Variants in LPP observed in about 807,000 individuals in gnomAD.
LPP encodes the protein LIM domain containing preferred translocation partner in lipoma.
LPP carries 38 observed loss-of-function variants against 60.4 expected under a neutral mutation model. The observed-to-expected ratio is 0.63, with a 90% CI of 0.49 to 0.83. The LOEUF is 0.83. Ranked by LOEUF, LPP falls within the 40% of genes least tolerant of loss-of-function variation. LPP has a pLI of 0.00. For missense variants in LPP, 902 were observed against 783.6 expected (o/e 1.15, Z -1.80); for synonymous variants, 328 against 290.8 (o/e 1.13, Z -1.30).
At chr3:188,231,835 A>G (rs538267114) in intron 2 of LPP, among the ~76,000 whole-genome samples, 1 of 152,216 alleles carries the variant, frequency 6.6e-6, no homozygotes, top group Non-Finnish European at 1.5e-5. Context: ...TTGAGCTTTG[A>G]TTTTGTCCCT....
At chr3:188,297,342 T>G (rs1748278515) in intron 2 of LPP, among the ~76,000 whole-genome samples, 1 of 152,198 alleles carries the variant, frequency 6.6e-6, no homozygotes, top group African/African-American at 2.4e-5. Context: ...CCCTCCAAGA[T>G]ACTGTTTTAG....
At chr3:188,587,608 T>C (rs1256254965) in intron 6 of LPP, among the ~76,000 whole-genome samples, 2 of 152,190 alleles carry the variant, frequency 1.3e-5, no homozygotes, top group Admixed American at 6.5e-5. Context: ...AATAGGCTAA[T>C]AAAAAGGCAC....
chr3:188,467,812 C>A (rs575335777), intron 4 of LPP, among the ~76,000 whole-genome samples: 37 of 152,116 alleles, frequency 2.4e-4, no homozygotes, highest in Non-Finnish European at 4.7e-4. Context: ...GAAGTGGATT[C>A]TCTGGAGAGA....
intron 9 of LPP, among the ~76,000 whole-genome samples, chr3:188,827,002 G>T (rs1220960622): frequency 2.0e-5 from 3 of 152,120 alleles, no homozygotes; most frequent in Non-Finnish European, 4.4e-5. Flanking sequence ...ATGAATAAAT[G>T]GCAGAAACCT....
intron 7 of LPP, among the ~76,000 whole-genome samples, chr3:188,625,011 AGGTTT>A (rs1560662916): frequency 6.6e-6 from 1 of 151,420 alleles, no homozygotes; most frequent in Non-Finnish European, 1.5e-5. Flanking sequence ...GGGAAGTCTT[AGGTTT>A]CTATATCCCT....
chr3:188,801,049 C>T (rs527494521), intron 9 of LPP, among the ~76,000 whole-genome samples: 3 of 152,232 alleles, frequency 2.0e-5, no homozygotes, highest in South Asian at 2.1e-4. Flanking sequence ...TCCTCTTCTC[C>T]GAACTCACAC....
intron 10 of LPP, among the ~76,000 whole-genome samples, chr3:188,869,839 G>A (rs1767632623): frequency 6.6e-6 from 1 of 152,156 alleles, no homozygotes; most frequent in Admixed American, 6.5e-5. Flanking sequence ...ATATCCTCCA[G>A]CCTACTGGAC....
intron 5 of LPP, among the ~76,000 whole-genome samples, chr3:188,508,270 C>G (rs1474633130): frequency 6.6e-6 from 1 of 152,084 alleles, no homozygotes; most frequent in Non-Finnish European, 1.5e-5. Flanking sequence ...TCCTTCCTGT[C>G]CTAGTATGTG....
At chr3:188,192,774 C>T (rs1728524555) in intron 1 of LPP, among the ~76,000 whole-genome samples, 1 of 152,150 alleles carries the variant, frequency 6.6e-6, no homozygotes. Context: ...AGAAACAGGG[C>T]CCTTTTCTTG....
chr3:188,228,294 GT>G (rs1424331268), intron 2 of LPP, among the ~76,000 whole-genome samples: 2 of 152,192 alleles, frequency 1.3e-5, no homozygotes, highest in African/African-American at 4.8e-5. Context: ...GTTCATGTGT[GT>G]GTCTCCAGAG....
At chr3:188,447,234 G>A (rs1419316218) in intron 4 of LPP, among the ~76,000 whole-genome samples, 1 of 152,152 alleles carries the variant, frequency 6.6e-6, no homozygotes, top group Non-Finnish European at 1.5e-5. Flanking sequence ...CACATCAGTA[G>A]TTTATAGAAA....
intron 1 of LPP, among the ~76,000 whole-genome samples, chr3:188,216,793 A>G (rs1327491045): frequency 6.6e-6 from 1 of 152,210 alleles, no homozygotes; most frequent in Non-Finnish European, 1.5e-5. Context: ...TAAAGAAGTG[A>G]GAAAGCTTGT....
chr3:188,601,178 G>A (rs796164325), intron 6 of LPP, among the ~76,000 whole-genome samples: 12 of 152,050 alleles, frequency 7.9e-5, no homozygotes, highest in African/African-American at 2.9e-4. Context: ...TTATGGCATT[G>A]TTTTAATGAC....
chr3:188,691,697 T>C (rs184314271), intron 7 of LPP, among the ~76,000 whole-genome samples: 2 of 152,360 alleles, frequency 1.3e-5, no homozygotes, highest in East Asian at 3.9e-4. Context: ...AGAAAGTTTA[T>C]GATAGAGAGG....
At chr3:188,238,744 T>A (rs1722784993) in intron 2 of LPP, among the ~76,000 whole-genome samples, 1 of 152,114 alleles carries the variant, frequency 6.6e-6, no homozygotes, top group African/African-American at 2.4e-5. Context: ...CAGATCACCA[T>A]AATACATATA....
intron 2 of LPP, among the ~76,000 whole-genome samples, chr3:188,341,112 T>C (rs979647288): frequency 6.6e-6 from 1 of 152,216 alleles, no homozygotes; most frequent in Non-Finnish European, 1.5e-5. Context: ...CTTTTCCCAT[T>C]TCCTCATTTC....
chr3:188,599,463 C>A (rs139963707), intron 6 of LPP, among the ~76,000 whole-genome samples: 72 of 152,132 alleles, frequency 4.7e-4, no homozygotes, highest in Middle Eastern at 3.4e-3. Flanking sequence ...CCTTGACATA[C>A]CAACATTGGG....
intron 6 of LPP, among the ~76,000 whole-genome samples, chr3:188,549,148 A>T (rs1827402323): frequency 6.6e-6 from 1 of 152,176 alleles, no homozygotes; most frequent in Non-Finnish European, 1.5e-5. Flanking sequence ...AATTATTTTT[A>T]ATTTAAAAAA....
intron 3 of LPP, among the ~76,000 whole-genome samples, chr3:188,394,081 A>G (rs1780328742): frequency 6.6e-6 from 1 of 152,346 alleles, no homozygotes; most frequent in Non-Finnish European, 1.5e-5. Context: ...TTTGAAAGCT[A>G]CTGGTTTGAG....
Sources: gnomAD v4.1 joint callset for allele counts (sites outside exome capture counted in the v4.1 genomes callset) on GRCh38, gnomAD v4.1.1 for gene constraint, MANE v1.5 for transcripts, NCBI Gene and HGNC (gene_info 2026-07-23, HGNC 2026-07-21) for gene names.